NAALADL2: variants seen among roughly 807,000 people sequenced by gnomAD.
NAALADL2 encodes inactive N-acetylated-alpha-linked acidic dipeptidase-like protein 2.
Under a neutral mutation model 87.2 loss-of-function variants are expected in NAALADL2, and 76 were observed. The ratio of observed to expected loss-of-function variants is 0.87; its 90% CI spans 0.72 to 1.05. The LOEUF is 1.05. Ranked by LOEUF, NAALADL2 falls within the 50% of genes least tolerant of loss-of-function variation. The pLI, the probability that NAALADL2 is intolerant of heterozygous loss-of-function variation, is 0.00. For synonymous variants in NAALADL2, 354 were observed against 331.0 expected (o/e 1.07, Z -0.75); for missense variants, 1,089 against 945.8 (o/e 1.15, Z -1.99).
At chr3:174,567,247 A>C (rs1050416839) in intron 2 of NAALADL2, among the ~76,000 whole-genome samples, 1 of 151,644 alleles carries the variant, frequency 6.6e-6, no homozygotes, top group Non-Finnish European at 1.5e-5. Context: ...TGGAAATATA[A>C]TGTGTACATA....
At chr3:175,295,577 T>A (rs1756214176) in intron 4 of NAALADL2, among the ~76,000 whole-genome samples, 1 of 152,166 alleles carries the variant, frequency 6.6e-6, no homozygotes, top group South Asian at 2.1e-4. Flanking sequence ...ACTGTGCTTC[T>A]GTTTCACAAG....
intron 11 of NAALADL2, among the ~76,000 whole-genome samples, chr3:175,664,863 C>G (rs972879840): frequency 6.6e-6 from 1 of 152,114 alleles, no homozygotes; most frequent in East Asian, 1.9e-4. Context: ...CAAATCCTAT[C>G]AAAGGTTTTA....
At chr3:174,982,621 A>G (rs1745266170) in intron 1 of NAALADL2, among the ~76,000 whole-genome samples, 1 of 152,234 alleles carries the variant, frequency 6.6e-6, no homozygotes, top group African/African-American at 2.4e-5. Context: ...TGTTATTTAC[A>G]TCTTACTATA....
chr3:175,739,871 G>A (rs1408948695), intron 12 of NAALADL2, among the ~76,000 whole-genome samples: 1 of 152,104 alleles, frequency 6.6e-6, no homozygotes, highest in Admixed American at 6.5e-5. Context: ...ATCACTAAAT[G>A]CCATAATATT....
At chr3:174,738,539 C>T (rs147081213) in intron 3 of NAALADL2, among the ~76,000 whole-genome samples, 60 of 152,052 alleles carry the variant, frequency 3.9e-4, no homozygotes, top group African/African-American at 1.3e-3. Flanking sequence ...GGTAGGCCTA[C>T]GGGGAAAGAG....
chr3:175,673,717 T>A (rs1013829392), intron 11 of NAALADL2, among the ~76,000 whole-genome samples: 1 of 152,072 alleles, frequency 6.6e-6, no homozygotes, highest in African/African-American at 2.4e-5. Context: ...TGGAAACCAA[T>A]GTTCCCAATA....
At chr3:175,713,602 A>G (rs983364216) in intron 11 of NAALADL2, among the ~76,000 whole-genome samples, 2 of 152,158 alleles carry the variant, frequency 1.3e-5, no homozygotes, top group Admixed American at 1.3e-4. Context: ...ATGTTATTTA[A>G]TAATTGATAA....
At chr3:175,422,479 G>A (rs1157262648) in intron 5 of NAALADL2, among the ~76,000 whole-genome samples, 1 of 151,714 alleles carries the variant, frequency 6.6e-6, no homozygotes, top group Non-Finnish European at 1.5e-5. Flanking sequence ...CCTTTTTCAA[G>A]TATCAAAATA....
intron 10 of NAALADL2, among the ~76,000 whole-genome samples, chr3:175,586,225 G>A (rs765481761): frequency 1.1e-4 from 17 of 148,416 alleles, no homozygotes; most frequent in Non-Finnish European, 1.5e-4. Flanking sequence ...AACTTATCTT[G>A]TTTTTATTTT....
intron 2 of NAALADL2, among the ~76,000 whole-genome samples, chr3:175,229,822 T>C (rs114073051): frequency 0.01 from 1,557 of 152,122 alleles, 31 homozygotes; most frequent in African/African-American, 0.035. Flanking sequence ...AGTCACAATG[T>C]TGGCATGGAA....
At chr3:175,539,018 G>T (rs529209077) in intron 9 of NAALADL2, among the ~76,000 whole-genome samples, 19 of 152,210 alleles carry the variant, frequency 1.2e-4, no homozygotes, top group African/African-American at 4.3e-4. Flanking sequence ...CTAAATAATT[G>T]TCTTCACTCT....
At chr3:174,472,184 C>T (rs1716946206) in intron 1 of NAALADL2, among the ~76,000 whole-genome samples, 2 of 152,184 alleles carry the variant, frequency 1.3e-5, no homozygotes, top group Non-Finnish European at 2.9e-5. Flanking sequence ...TCATGTAAGA[C>T]AGACATGTAC....
chr3:174,478,388 A>T (rs1237526766), intron 1 of NAALADL2, among the ~76,000 whole-genome samples: 1 of 152,150 alleles, frequency 6.6e-6, no homozygotes, highest in Non-Finnish European at 1.5e-5. Context: ...ATACACAAAT[A>T]CCTAGAAACT....
At chr3:175,041,876 A>G (rs898277492) in intron 1 of NAALADL2, among the ~76,000 whole-genome samples, 4 of 152,166 alleles carry the variant, frequency 2.6e-5, no homozygotes, top group Non-Finnish European at 5.9e-5. Context: ...AATGATTGCC[A>G]AGATCAAGAA....
chr3:175,515,253 A>G (rs1371713930), intron 9 of NAALADL2, among the ~76,000 whole-genome samples: 1 of 152,222 alleles, frequency 6.6e-6, no homozygotes, highest in Non-Finnish European at 1.5e-5. Context: ...TCTGTCACAC[A>G]GAAATAGCTA....
At chr3:175,435,082 A>C (rs2149176375) in intron 5 of NAALADL2, among the ~76,000 whole-genome samples, 1 of 152,170 alleles carries the variant, frequency 6.6e-6, no homozygotes, top group South Asian at 2.1e-4. Flanking sequence ...TCTCTGAAAT[A>C]GATTTAAAAA....
At chr3:175,122,689 A>C (rs972597524) in intron 2 of NAALADL2, among the ~76,000 whole-genome samples, 1 of 151,638 alleles carries the variant, frequency 6.6e-6, no homozygotes. Flanking sequence ...ATCTCCTCCC[A>C]TTCTCTCTTC....
chr3:174,550,687 C>T (rs1273002558), intron 2 of NAALADL2: 2 of 151,854 alleles, frequency 1.3e-5, no homozygotes, highest in Non-Finnish European at 2.9e-5. Flanking sequence ...AGAGATTCAA[C>T]CAAGTCTTTA....
chr3:175,218,890 C>T (rs1742939668), intron 2 of NAALADL2, among the ~76,000 whole-genome samples: 2 of 152,026 alleles, frequency 1.3e-5, no homozygotes, highest in Admixed American at 1.3e-4. Context: ...ACTGCAACCT[C>T]TGCCTCCTGG....
Sources: gnomAD v4.1 joint callset for allele counts (sites outside exome capture counted in the v4.1 genomes callset) on GRCh38, gnomAD v4.1.1 for gene constraint, MANE v1.5 for transcripts, NCBI Gene and HGNC (gene_info 2026-07-23, HGNC 2026-07-21) for gene names.